The following MARCHF8 variants were observed in gnomAD, a reference collection of about 807,000 sequenced individuals.
MARCHF8 encodes membrane associated ring-CH-type finger 8.
In MARCHF8, 40 loss-of-function variants were observed where a neutral mutation model predicts 51.6. The ratio of observed to expected loss-of-function variants is 0.77; its 90% CI spans 0.60 to 1.01. MARCHF8 has a LOEUF of 1.01. Ranked by LOEUF, MARCHF8 falls within the 50% of genes least tolerant of loss-of-function variation. MARCHF8 has a pLI of 0.00. For synonymous variants in MARCHF8, 263 were observed against 280.3 expected, an observed-to-expected ratio of 0.94 and a Z score of 0.62; for missense variants, 685 against 708.6, an observed-to-expected ratio of 0.97 and a Z score of 0.38.
chr10:45,466,389 T>C (rs1448892106), intron 3 of MARCHF8, among the ~76,000 whole-genome samples: 1 of 152,194 alleles, frequency 6.6e-6, no homozygotes, highest in Non-Finnish European at 1.5e-5. Flanking sequence ...CAAAGCCTGA[T>C]CACGGTGTAT....
rs1252182467 is a variant in MARCHF8, at chr10:45,463,731, C to G, written c.508G>C (p.Glu170Gln). ...GTTCTTTCCACATAGGCAAAACTTT[C>G]TGAAGTATCCTGCGCCTTCTCACCC... ...DVGEKAQDTSESFAYVERTCS... is the reference protein window; with the variant it reads ...DVGEKAQDTSQSFAYVERTCS... Residue 170 changes from glutamate (E) to glutamine (Q), a missense_variant, in exon 5 of 8, where the codon GAA becomes CAA. Coordinates refer to ENST00000453424, the MANE Select transcript of MARCHF8 (RefSeq NM_001282866.2). 4 of 1,551,198 alleles carry G rather than the reference C, an allele frequency of 2.6e-6. No individual in the cohort carries two copies. In the Admixed American group the frequency reaches 7.8e-5, roughly 30 times the overall value.
chr10:45,516,975 C>G (rs1001746807), intron 2 of MARCHF8, among the ~76,000 whole-genome samples: 33 of 152,192 alleles, frequency 2.2e-4, no homozygotes, highest in African/African-American at 7.7e-4. Context: ...GTATGTACCT[C>G]CTTATTAACA....
At chr10:45,502,266 T>C (rs1215647095) in intron 2 of MARCHF8, among the ~76,000 whole-genome samples, 1 of 152,048 alleles carries the variant, frequency 6.6e-6, no homozygotes, top group Non-Finnish European at 1.5e-5. Context: ...ACTCCACTAG[T>C]AAAAAGGAAC....
intron 2 of MARCHF8, among the ~76,000 whole-genome samples, chr10:45,504,234 C>T (rs1327886655): frequency 6.6e-6 from 1 of 152,148 alleles, no homozygotes; most frequent in Non-Finnish European, 1.5e-5. Context: ...TCACCTGAGG[C>T]TGGGAGTTCA....
intron 2 of MARCHF8, among the ~76,000 whole-genome samples, chr10:45,518,353 G>A (rs2043653216): frequency 6.6e-6 from 1 of 152,166 alleles, no homozygotes; most frequent in African/African-American, 2.4e-5. Context: ...GCAGTTTGCA[G>A]CTTGATGACA....
intron 3 of MARCHF8, among the ~76,000 whole-genome samples, chr10:45,469,014 T>G (rs1843066915): frequency 6.6e-6 from 1 of 152,092 alleles, no homozygotes; most frequent in Non-Finnish European, 1.5e-5. Flanking sequence ...ACTGCACTAG[T>G]TTGTGACAGC....
chr10:45,479,666 G>A (rs377205590), intron 3 of MARCHF8, among the ~76,000 whole-genome samples: 11 of 152,256 alleles, frequency 7.2e-5, no homozygotes, highest in African/African-American at 1.2e-4. Context: ...CTTGTCTGCC[G>A]CCATGTAAGT....
chr10:45,492,303 T>TTTC (rs372757920), intron 2 of MARCHF8, among the ~76,000 whole-genome samples: 3 of 151,814 alleles, frequency 2.0e-5, no homozygotes, highest in Non-Finnish European at 2.9e-5. Flanking sequence ...TCTTCTTTTT[T>TTTC]TTTTTCTTTT....
intron 1 of MARCHF8, among the ~76,000 whole-genome samples, chr10:45,551,566 C>T (rs2044194884): frequency 6.6e-6 from 1 of 151,976 alleles, no homozygotes; most frequent in Non-Finnish European, 1.5e-5. Flanking sequence ...AGTAAAATAT[C>T]CTGCTTTCCA....
At chr10:45,476,660 TA>T (rs904210397) in intron 3 of MARCHF8, among the ~76,000 whole-genome samples, 21 of 142,500 alleles carry the variant, frequency 1.5e-4, no homozygotes, top group South Asian at 4.5e-4. Flanking sequence ...AAATACATTA[TA>T]AAAAAAAAAA....
At chr10:45,503,756 TGGTATTATCCATACAATG>T (rs2043327298) in intron 2 of MARCHF8, among the ~76,000 whole-genome samples, 1 of 152,042 alleles carries the variant, frequency 6.6e-6, no homozygotes, top group Non-Finnish European at 1.5e-5. Context: ...AGACAAAATG[TGGTATTATCCATACAATG>T]GAATATTATT....
In MARCHF8 at chr10:45,533,101, T is replaced by C. The variant is rs2043914057; in HGVS notation, c.102+9A>G. ...AATAATGAAACTAAAAAAGATACTCTCCCAGTACCTGTTCTTCCCTCTCCT... is the reference window on the plus strand; with the variant it reads ...AATAATGAAACTAAAAAAGATACTCCCCCAGTACCTGTTCTTCCCTCTCCT... On this transcript the variant is annotated intron_variant, in intron 2 of 7. Transcript: ENST00000453424. The C allele has an allele frequency of 6.3e-7, 1 of 1,589,676 alleles. No homozygotes were observed. Among genetic ancestry groups the C allele is most frequent in the Non-Finnish European group, 8.5e-7 (1 of 1,171,676 alleles).
intron 1 of MARCHF8, among the ~76,000 whole-genome samples, chr10:45,588,946 C>A (rs1192601744): frequency 7.0e-6 from 1 of 143,148 alleles, no homozygotes; most frequent in Non-Finnish European, 1.5e-5. Flanking sequence ...TTGCAGTGAG[C>A]CAAGATCACG....
chr10:45,478,406 G>C (rs1589096874), intron 3 of MARCHF8, among the ~76,000 whole-genome samples: 1 of 152,090 alleles, frequency 6.6e-6, no homozygotes, highest in African/African-American at 2.4e-5. Flanking sequence ...TAACAGGGAA[G>C]TCCAGAGCAA....
intron 2 of MARCHF8, among the ~76,000 whole-genome samples, chr10:45,503,098 G>A (rs2043310786): frequency 6.6e-6 from 1 of 152,126 alleles, no homozygotes; most frequent in South Asian, 2.1e-4. Context: ...ATTCTAAATA[G>A]ACTCTGAGAA....
chr10:45,567,050 T>C (rs1052185025), intron 1 of MARCHF8, among the ~76,000 whole-genome samples: 1 of 152,254 alleles, frequency 6.6e-6, no homozygotes, highest in African/African-American at 2.4e-5. Context: ...CCTTTTCATA[T>C]ACCTGTTTGC....
chr10:45,501,795 T>C (rs2043284921), intron 2 of MARCHF8, among the ~76,000 whole-genome samples: 1 of 152,114 alleles, frequency 6.6e-6, no homozygotes, highest in African/African-American at 2.4e-5. Flanking sequence ...CCTGAACATT[T>C]TTAAAAATCC....
At chr10:45,489,334 G>A (rs1187523452) in intron 3 of MARCHF8, 33 bp downstream of exon 3, 1 of 1,550,206 alleles carries the variant, frequency 6.5e-7, no homozygotes, top group East Asian at 2.3e-5. Context: ...AAAGACTCAA[G>A]GTAATAAATA....
intron 1 of MARCHF8, among the ~76,000 whole-genome samples, chr10:45,584,141 A>C (rs1249283060): frequency 1.6e-5 from 2 of 121,224 alleles, no homozygotes; most frequent in African/African-American, 7.6e-5. Context: ...ATATATATAT[A>C]TATATATATA....
Sources: gnomAD v4.1 joint callset for allele counts (sites outside exome capture counted in the v4.1 genomes callset) on GRCh38, gnomAD v4.1.1 for gene constraint, MANE v1.5 for transcripts, NCBI Gene and HGNC (gene_info 2026-07-23, HGNC 2026-07-21) for gene names.